PATZ1: variants seen among roughly 807,000 people sequenced by gnomAD.
PATZ1 encodes the protein POZ-, AT hook-, and zinc finger-containing protein 1.
A neutral mutation model predicts 46.2 loss-of-function variants in PATZ1; 9 were observed. The observed-to-expected ratio is 0.19, with a 90% CI of 0.12 to 0.34. PATZ1 has a LOEUF of 0.34. Among genes scored for constraint, PATZ1 ranks in the 10% least tolerant of loss-of-function variants. PATZ1 has a pLI of 1.00. For synonymous variants in PATZ1, 426 were observed against 378.6 expected (o/e 1.13, Z -1.45); for missense variants, 632 against 923.0 (o/e 0.68, Z 4.08).
chr22:31,346,295 C>T lies in PATZ1; in HGVS notation c.-693G>A, dbSNP rs1246309492. On this transcript the variant is annotated 5_prime_UTR_variant, in exon 1 of 5. Coordinates refer to ENST00000266269, the MANE Select transcript of PATZ1 (RefSeq NM_014323.3). ...AGGCCGGGAGAAGGCGGCGGCGGAG[C>T]GGCGGCTGTGCGGCCCCGGGCTCCG... 2 of 154,150 alleles carry T rather than the reference C, an allele frequency of 1.3e-5. No homozygotes were observed. Among genetic ancestry groups the T allele is most frequent in the Non-Finnish European group, 2.9e-5 (2 of 69,468 alleles). 9.5% of individuals were successfully genotyped at this position (154,150 alleles called of 1,614,324 possible).
Position 31,326,451 on chromosome 22 carries a change from C to T in PATZ1, c.*440G>A, listed in dbSNP as rs1341442577. On this transcript the variant is annotated 3_prime_UTR_variant, in exon 5 of 5. Transcript: ENST00000266269. ...CCGCATTGTATAAGTAGGTGGAGAC[C>T]CTAGTGTGGTTCTTTTGAAGGATAT... The T allele has an allele frequency of 2.8e-5, 7 of 253,124 alleles. No individual in the cohort carries two copies. Among genetic ancestry groups the T allele is most frequent in the Non-Finnish European group, 4.6e-5 (6 of 130,556 alleles). 15.7% of individuals were successfully genotyped at this position (253,124 alleles called of 1,614,324 possible). A position where few individuals can be genotyped will look rare whatever the true frequency, so the allele number is the denominator to read the frequency against.
At position 31,345,735 on chromosome 22, in the gene PATZ1, GCA is replaced by G; in HGVS notation, c.-135_-134del. On this transcript the variant is annotated 5_prime_UTR_variant, in exon 1 of 5. Coordinates refer to ENST00000266269, the MANE Select transcript of PATZ1 (RefSeq NM_014323.3). This position sits in a 1 kb window ranked among gnomAD's most constrained non-coding sequence, Gnocchi z 7.4. The stretch of plus-strand genomic sequence containing the variant: ...TGCCGGCCCGAGGCTCTGTAGTCTC[GCA>G]GGTGCGCCGAGTGTACACGCCCCCA... 3 of 919,662 alleles carry G rather than the reference GCA, an allele frequency of 3.3e-6. No individual in the cohort carries two copies. Among genetic ancestry groups the G allele is most frequent in the Non-Finnish European group, 4.7e-6 (3 of 632,234 alleles). The allele number at this position is 919,662 out of a possible 1,614,324, so 57.0% of individuals were successfully genotyped here.
In PATZ1 at chr22:31,345,090, A is replaced by G. The variant is rs1445240567; in HGVS notation, c.513T>C (p.Asp171=). The change falls in exon 1 of 5, where the codon GAT becomes GAC. Residue 171 remains aspartate, a synonymous_variant. Coordinates refer to ENST00000266269, the MANE Select transcript of PATZ1 (RefSeq NM_014323.3). This position sits in a 1 kb window ranked among gnomAD's most constrained non-coding sequence, Gnocchi z 7.4. ...VQILVPPARA[D]IMLFRPPGTS... Reference sequence around the variant, plus strand: ...TCCCAGGGGGGCGAAAGAGCATTATATCGGCGCGGGCAGGGGGTACCAGGA... The same window carrying G: ...TCCCAGGGGGGCGAAAGAGCATTATGTCGGCGCGGGCAGGGGGTACCAGGA... The G allele has an allele frequency of 6.8e-6, 11 of 1,614,162 alleles. No individual in the cohort carries two copies. Among genetic ancestry groups the G allele is most frequent in the Non-Finnish European group, 9.3e-6 (11 of 1,180,024 alleles).
rs144494015 is a variant in PATZ1, at chr22:31,326,898, C to T, written c.2057G>A (p.Gly686Glu). 377 of 1,609,354 alleles carry T rather than the reference C, an allele frequency of 2.3e-4. No homozygotes were observed. The Middle Eastern group carries it at 6.0e-3, about 25-fold the overall frequency. Residue 686 changes from glycine (G) to glutamate (E), a missense_variant, in exon 5 of 5, where the codon GGG becomes GAG. Around this residue, in one of 7 missense-constraint regions of PATZ1, gnomAD observed 176 missense variants for 249.4 expected, o/e 0.71. Transcript: ENST00000266269. Reference sequence around the variant, plus strand: ...GGGGACACAGCAGCTGCCTCATTTCCCTTCAGGCCCCATGGGCTGCTGGTC... The same window carrying T: ...GGGGACACAGCAGCTGCCTCATTTCTCTTCAGGCCCCATGGGCTGCTGGTC... ...EVDQQPMGPE[G>E]K
At chr22:31,330,198 G>A (rs1469661558) in intron 3 of PATZ1, among the ~76,000 whole-genome samples, 1 of 152,184 alleles carries the variant, frequency 6.6e-6, no homozygotes. Context: ...AGGAAGTGCT[G>A]ATGGCACACC....
intron 2 of PATZ1, among the ~76,000 whole-genome samples, chr22:31,339,001 A>C (rs982416404): frequency 6.6e-6 from 1 of 152,196 alleles, no homozygotes; most frequent in Non-Finnish European, 1.5e-5. Flanking sequence ...GGGAGCCACA[A>C]GAGGGATAGG....
Position 31,328,730 on chromosome 22 carries a change from C to T in PATZ1, c.1645+57G>A, listed in dbSNP as rs1266433759. ...TCCCGCCTCCCCACGCCCAGCCCAGCGCCCCCACAACACAGTCTGCGCAGA... is the reference window on the plus strand; with the variant it reads ...TCCCGCCTCCCCACGCCCAGCCCAGTGCCCCCACAACACAGTCTGCGCAGA... On this transcript the variant is annotated intron_variant, in intron 4 of 4. Transcript: ENST00000266269. This position sits in a 1 kb window ranked among gnomAD's most constrained non-coding sequence, Gnocchi z 4.8. 2.1e-5 allele frequency: 32 copies of T among 1,555,830 alleles called. No individual in the cohort carries two copies. In the South Asian group the frequency reaches 2.9e-4, roughly 14 times the overall value.
Position 31,344,835 on chromosome 22 carries a change from G to C in PATZ1, c.768C>G (p.Ser256=). Residue 256 remains serine (S), a synonymous_variant, in exon 1 of 5, where the codon TCC becomes TCG. Transcript: ENST00000266269. ...GCTTGCCAGTCAGGGGAGGGGCACT[G>C]GATGCCACACTGGGGAATGGGGAAG... ...LLTSPFPSVA[S]SAPPLTGKRG... The C allele has an allele frequency of 6.2e-7, 1 of 1,612,194 alleles. No homozygotes were observed. Among genetic ancestry groups the C allele is most frequent in the Non-Finnish European group, 8.5e-7 (1 of 1,179,538 alleles).
chr22:31,343,068 G>A, intron 1 of PATZ1, 108 bp from the exon 2 acceptor site: 1 of 1,531,634 alleles, frequency 6.5e-7, no homozygotes, highest in Non-Finnish European at 8.8e-7. Context: ...TGCTGGAAAG[G>A]ACTCCCTCTC....
intron 3 of PATZ1, 44 bp downstream of exon 3, chr22:31,335,648 C>G: frequency 6.3e-7 from 1 of 1,592,290 alleles, no homozygotes. Context: ...CCCATACACG[C>G]TCAGGCCCAT....
chr22:31,341,739 A>G, intron 2 of PATZ1: 1 of 1,512,718 alleles, frequency 6.6e-7, no homozygotes, highest in Non-Finnish European at 9.0e-7. Flanking sequence ...GCTTGCCCCC[A>G]CTGCCCTCTG....
rs543085897 is a variant in PATZ1, at chr22:31,327,725, G to A, written c.1646-416C>T. 1.4e-4 allele frequency among the ~76,000 whole-genome samples: 21 copies of A among 152,192 alleles called. No individual in the cohort carries two copies. Among genetic ancestry groups the A allele is most frequent in the African/African-American group, 3.6e-4 (15 of 41,510 alleles). On this transcript the variant is annotated intron_variant, in intron 4 of 4. Transcript: ENST00000266269. This position sits in a 1 kb window ranked among gnomAD's most constrained non-coding sequence, Gnocchi z 4.2. ...GCCGAGCCAGTGTAATAGTAGCCTC[G>A]CCTCCTGCACCAGACTAGCTGCACC...
At chr22:31,331,211 C>G (rs2049437487) in intron 3 of PATZ1, among the ~76,000 whole-genome samples, 1 of 152,174 alleles carries the variant, frequency 6.6e-6, no homozygotes, top group Non-Finnish European at 1.5e-5. Context: ...GCTGTTAGCC[C>G]TGCCCCTTGG....
chr22:31,336,139 T>C (rs906436561), intron 2 of PATZ1, among the ~76,000 whole-genome samples: 2 of 152,198 alleles, frequency 1.3e-5, no homozygotes, highest in African/African-American at 2.4e-5. Context: ...CTAAGCTCTA[T>C]ACCCCTCTAC....
chr22:31,338,016 A>G lies in PATZ1; in HGVS notation c.1336-2153T>C, dbSNP rs1167257384. The G allele has an allele frequency of 3.9e-5, 6 of 152,204 alleles. No individual in the cohort carries two copies. In the East Asian group the frequency reaches 1.2e-3, roughly 29 times the overall value. The allele number at this position is 152,204 out of a possible 1,614,324, so 9.4% of individuals were successfully genotyped here. A position where few individuals can be genotyped will look rare whatever the true frequency, so the allele number is the denominator to read the frequency against. ...TTTTAAGTAAACATTATACATTTGA[A>G]CTGAATTTGTAGCAATGACATACTG... On this transcript the variant is annotated intron_variant, in intron 2 of 4. Transcript: ENST00000266269.
chr22:31,327,376 T>A lies in PATZ1; in HGVS notation c.1646-67A>T. 1.5e-6 allele frequency: 2 copies of A among 1,334,046 alleles called. No individual in the cohort carries two copies. The highest frequency in any genetic ancestry group is 3.8e-5 in the Admixed American group (2 of 52,100). The allele number at this position is 1,334,046 out of a possible 1,614,324, so 82.6% of individuals were successfully genotyped here. A position where few individuals can be genotyped will look rare whatever the true frequency, so the allele number is the denominator to read the frequency against. Reference sequence around the variant, plus strand: ...CTGGAGATGCCCCCTCCTGGAGGGGTCATGAGGGGCCAGCTCACAGACCTG... The same window carrying A: ...CTGGAGATGCCCCCTCCTGGAGGGGACATGAGGGGCCAGCTCACAGACCTG... On this transcript the variant is annotated intron_variant, in intron 4 of 4. Transcript: ENST00000266269. This position sits in a 1 kb window ranked among gnomAD's most constrained non-coding sequence, Gnocchi z 4.2.
At chr22:31,339,860 G>C (rs540971350) in intron 2 of PATZ1, among the ~76,000 whole-genome samples, 1 of 152,272 alleles carries the variant, frequency 6.6e-6, no homozygotes, top group African/African-American at 2.4e-5. Context: ...AAGGGCACTA[G>C]TGCACACCCC....
rs1408631829 is a variant in PATZ1 at position 31,328,103 on chromosome 22, T to A, written c.1645+684A>T. Among the ~76,000 whole-genome samples the A allele has an allele frequency of 6.6e-6, 1 of 152,134 alleles. No individual in the cohort carries two copies. The highest frequency in any genetic ancestry group is 2.4e-5 in the African/African-American group (1 of 41,424). The stretch of plus-strand genomic sequence containing the variant: ...GGAAGGGAGGTCTGTGATGGGAGCA[T>A]GGAGCATGCCATCTCTGCTGTTTCT... On this transcript the variant is annotated intron_variant, in intron 4 of 4. Coordinates refer to ENST00000266269, the MANE Select transcript of PATZ1 (RefSeq NM_014323.3). This position sits in a 1 kb window ranked among gnomAD's most constrained non-coding sequence, Gnocchi z 4.8.
intron 2 of PATZ1, among the ~76,000 whole-genome samples, chr22:31,336,805 CAAAA>C (rs747328196): frequency 1.9e-3 from 120 of 64,502 alleles, no homozygotes; most frequent in Admixed American, 5.5e-3. Context: ...GACTTCCTCT[CAAAA>C]AAAAAAAAAA....
Sources: allele counts gnomAD v4.1 joint callset (sites outside exome capture counted in the v4.1 genomes callset), GRCh38; gene constraint gnomAD v4.1.1; regional missense constraint gnomAD v4.1.1; non-coding constraint Gnocchi (gnomAD v3.1); transcripts MANE v1.5; gene names NCBI Gene and HGNC (gene_info 2026-07-23, HGNC 2026-07-21).